Variants in BCL2 observed in about 807,000 individuals in gnomAD.
BCL2 encodes apoptosis regulator Bcl-2.
BCL2 carries 1 observed loss-of-function variant against 14.2 expected under a neutral mutation model. The observed-to-expected ratio is 0.07, with a 90% CI of 0.02 to 0.33. BCL2 has a LOEUF of 0.33. Among genes scored for constraint, BCL2 ranks in the 10% least tolerant of loss-of-function variants. BCL2 has a pLI of 0.99. For missense variants in BCL2, 247 were observed against 305.9 expected, an observed-to-expected ratio of 0.81 and a Z score of 1.44; for synonymous variants, 151 against 137.2, an observed-to-expected ratio of 1.10 and a Z score of -0.70.
intron 2 of BCL2, among the ~76,000 whole-genome samples, chr18:63,179,286 T>C (rs1042019346): frequency 2.0e-5 from 3 of 152,124 alleles, no homozygotes; most frequent in Non-Finnish European, 4.4e-5. Context: ...GTCTGAGTTC[T>C]CTAGACATGG....
intron 2 of BCL2, among the ~76,000 whole-genome samples, chr18:63,258,831 C>T (rs1449452488): frequency 6.6e-6 from 1 of 152,192 alleles, no homozygotes; most frequent in Non-Finnish European, 1.5e-5. Flanking sequence ...TTTGCGTCAT[C>T]GATGATGGTG....
chr18:63,223,228 G>C (rs996641487), intron 2 of BCL2, among the ~76,000 whole-genome samples: 3 of 151,896 alleles, frequency 2.0e-5, no homozygotes, highest in Admixed American at 1.3e-4. Flanking sequence ...GTGAAACCCC[G>C]TCTCTACTAA....
intron 2 of BCL2, among the ~76,000 whole-genome samples, chr18:63,174,820 C>CAAAAAAAA (rs953107518): frequency 2.8e-5 from 2 of 72,282 alleles, no homozygotes; most frequent in South Asian, 5.1e-4. Flanking sequence ...GACTTTGTCT[C>CAAAAAAAA]AAAAAAAAAA....
intron 2 of BCL2, among the ~76,000 whole-genome samples, chr18:63,156,573 C>T (rs1342348117): frequency 1.3e-5 from 2 of 152,164 alleles, no homozygotes; most frequent in Non-Finnish European, 2.9e-5. Context: ...CTGGCCCCTC[C>T]AGTCTCACCC....
intron 2 of BCL2, among the ~76,000 whole-genome samples, chr18:63,198,686 C>T (rs1333240461): frequency 4.1e-4 from 49 of 119,758 alleles, no homozygotes; most frequent in African/African-American, 1.6e-3. Flanking sequence ...ACAACAGACA[C>T]AGACACACAC....
chr18:63,201,740 C>T (rs1432496625), intron 2 of BCL2, among the ~76,000 whole-genome samples: 1 of 152,052 alleles, frequency 6.6e-6, no homozygotes, highest in Non-Finnish European at 1.5e-5. Context: ...GAAAACCTAA[C>T]ACCACATGTT....
chr18:63,247,135 G>A (rs1051954999), intron 2 of BCL2, among the ~76,000 whole-genome samples: 6 of 152,018 alleles, frequency 3.9e-5, no homozygotes, highest in African/African-American at 9.7e-5. Context: ...TGGGGAGATA[G>A]GAATGAACAT....
At chr18:63,130,091 C>A (rs1914025640) in intron 2 of BCL2, among the ~76,000 whole-genome samples, 1 of 152,170 alleles carries the variant, frequency 6.6e-6, no homozygotes, top group African/African-American at 2.4e-5. Context: ...GAGCAAATCA[C>A]CAATTGCTCA....
At chr18:63,260,024 CA>C (rs1423161412) in intron 2 of BCL2, among the ~76,000 whole-genome samples, 8 of 152,182 alleles carry the variant, frequency 5.3e-5, no homozygotes, top group Non-Finnish European at 1.0e-4. Flanking sequence ...TGAGGAAGAC[CA>C]AACCCTTAGA....
intron 2 of BCL2, among the ~76,000 whole-genome samples, chr18:63,197,231 C>T (rs115700151): frequency 2.6e-5 from 4 of 152,188 alleles, no homozygotes; most frequent in Admixed American, 1.3e-4. Flanking sequence ...CCCGGCTAAG[C>T]GCCCCCTGCC....
chr18:63,296,452 G>A (rs774132420), intron 2 of BCL2, among the ~76,000 whole-genome samples: 3 of 152,074 alleles, frequency 2.0e-5, no homozygotes, highest in African/African-American at 4.8e-5. Flanking sequence ...ACAGGCACAC[G>A]CCACCATGAT....
chr18:63,195,485 G>T (rs954447652), intron 2 of BCL2, among the ~76,000 whole-genome samples: 1 of 152,152 alleles, frequency 6.6e-6, no homozygotes, highest in Non-Finnish European at 1.5e-5. Flanking sequence ...CACTTCAATA[G>T]CAATCACTTG....
chr18:63,156,674 G>A (rs1914791367), intron 2 of BCL2, among the ~76,000 whole-genome samples: 1 of 152,184 alleles, frequency 6.6e-6, no homozygotes, highest in African/African-American at 2.4e-5. Flanking sequence ...GCTTCTTTCA[G>A]AAGCCAAGGA....
At chr18:63,173,388 T>C (rs527831645) in intron 2 of BCL2, among the ~76,000 whole-genome samples, 1 of 152,354 alleles carries the variant, frequency 6.6e-6, no homozygotes, top group South Asian at 2.1e-4. Flanking sequence ...TGTTTAAACA[T>C]GTTTGTTTTC....
chr18:63,198,125 CTA>C (rs1909499961), intron 2 of BCL2, among the ~76,000 whole-genome samples: 4 of 152,062 alleles, frequency 2.6e-5, no homozygotes, highest in Admixed American at 2.6e-4. Context: ...TTTTGCATGA[CTA>C]TGCTATGCCC....
At chr18:63,205,275 C>T (rs1048708566) in intron 2 of BCL2, among the ~76,000 whole-genome samples, 2 of 152,210 alleles carry the variant, frequency 1.3e-5, no homozygotes, top group African/African-American at 4.8e-5. Context: ...TATTTGTACA[C>T]CTGGCTGTCT....
At chr18:63,263,551 C>T (rs1388364614) in intron 2 of BCL2, among the ~76,000 whole-genome samples, 6 of 152,066 alleles carry the variant, frequency 3.9e-5, no homozygotes, top group Non-Finnish European at 7.3e-5. Flanking sequence ...ACCAGAAAGA[C>T]AACTCAAGGG....
At chr18:63,275,473 C>T (rs939394536) in intron 2 of BCL2, among the ~76,000 whole-genome samples, 2 of 152,154 alleles carry the variant, frequency 1.3e-5, no homozygotes, top group African/African-American at 4.8e-5. Flanking sequence ...TGGAAGAGAA[C>T]TTGGAATGGG....
chr18:63,312,634 A>G, intron 2 of BCL2, among the ~76,000 whole-genome samples: 1 of 152,244 alleles, frequency 6.6e-6, no homozygotes, highest in East Asian at 1.9e-4. Flanking sequence ...GTCTTGATAA[A>G]TAGAACAGTA....
Sources: allele counts gnomAD v4.1 joint callset (sites outside exome capture counted in the v4.1 genomes callset), GRCh38; gene constraint gnomAD v4.1.1; transcripts MANE v1.5; gene names NCBI Gene and HGNC (gene_info 2026-07-23, HGNC 2026-07-21).